FMNL2: variants seen among roughly 807,000 people sequenced by gnomAD.
FMNL2 encodes formin like 2.
Under a neutral mutation model 130.2 loss-of-function variants are expected in FMNL2, and 51 were observed. That is an observed-to-expected ratio of 0.39 (90% CI 0.31 to 0.49). The LOEUF is 0.49. Ranked by LOEUF, FMNL2 falls within the 20% of genes least tolerant of loss-of-function variation. The pLI is 0.85. For missense variants in FMNL2, 977 were observed against 1,316.2 expected (o/e 0.74, Z 3.99); for synonymous variants, 465 against 467.1 (o/e 1.00, Z 0.06).
At chr2:152,354,047 C>T (rs1041364488) in intron 1 of FMNL2, among the ~76,000 whole-genome samples, 1 of 151,872 alleles carries the variant, frequency 6.6e-6, no homozygotes, top group Non-Finnish European at 1.5e-5. Flanking sequence ...TTTATGTTGA[C>T]TCTTGTATAT....
At chr2:152,537,902 A>G (rs774561865) in intron 2 of FMNL2, among the ~76,000 whole-genome samples, 56 of 152,138 alleles carry the variant, frequency 3.7e-4, no homozygotes, top group Non-Finnish European at 6.6e-4. Flanking sequence ...ACACACACAC[A>G]CACACAGTAT....
At chr2:152,375,877 C>CTCTCTCTCTCTCTATATA (rs796954245) in intron 1 of FMNL2, among the ~76,000 whole-genome samples, 39 of 112,482 alleles carry the variant, frequency 3.5e-4, no homozygotes, top group East Asian at 1.6e-3. Context: ...CTCTCTCTCT[C>CTCTCTCTCTCTCTATATA]TATATATATA....
chr2:152,390,323 A>AG lies in FMNL2; in HGVS notation c.117+54607dup, dbSNP rs966688401. ...GGGAGCTCTACAACGAAGTGAAGGT[A>AG]GGGGAGAGCTCGTGGCTCATTGAGG... On this transcript the variant is annotated intron_variant, in intron 1 of 25. Coordinates refer to ENST00000288670, the MANE Select transcript of FMNL2 (RefSeq NM_052905.4). 9.0e-6 allele frequency: 11 copies of AG among 1,216,694 alleles called. No homozygotes were observed. The African/African-American group carries it at 1.6e-4, about 18-fold the overall frequency. The allele number at this position is 1,216,694 out of a possible 1,614,324, so 75.4% of individuals were successfully genotyped here. A position where few individuals can be genotyped will look rare whatever the true frequency, so the allele number is the denominator to read the frequency against.
intron 11 of FMNL2, among the ~76,000 whole-genome samples, chr2:152,614,630 C>T (rs1698850904): frequency 6.6e-6 from 1 of 152,166 alleles, no homozygotes; most frequent in Admixed American, 6.5e-5. Flanking sequence ...GTAATCCCAG[C>T]TACTTGGGAG....
chr2:152,390,886 G>GGT (rs1216078001), intron 1 of FMNL2, among the ~76,000 whole-genome samples: 1 of 152,200 alleles, frequency 6.6e-6, no homozygotes, highest in African/African-American at 2.4e-5. Context: ...TTCCTCATTT[G>GGT]TGATGCCAAA....
intron 1 of FMNL2, among the ~76,000 whole-genome samples, chr2:152,471,567 G>A (rs912499878): frequency 1.3e-5 from 2 of 152,138 alleles, no homozygotes; most frequent in Non-Finnish European, 2.9e-5. Context: ...GGCGTCCGGC[G>A]CCTGGTTCTG....
At chr2:152,437,394 G>C (rs1445586620) in intron 1 of FMNL2, among the ~76,000 whole-genome samples, 1 of 152,132 alleles carries the variant, frequency 6.6e-6, no homozygotes, top group African/African-American at 2.4e-5. Flanking sequence ...GATTAATTGA[G>C]AAAGAATGTC....
chr2:152,452,777 G>GCTGTCGATGGGGAGGA, intron 1 of FMNL2, among the ~76,000 whole-genome samples: 1 of 152,012 alleles, frequency 6.6e-6, no homozygotes, highest in Non-Finnish European at 1.5e-5. Context: ...GATGGGGAGG[G>GCTGTCGATGGGGAGGA]CTGTCGATGG....
chr2:152,464,840 T>C (rs1457635956), intron 1 of FMNL2, among the ~76,000 whole-genome samples: 1 of 152,196 alleles, frequency 6.6e-6, no homozygotes, highest in Non-Finnish European at 1.5e-5. Context: ...ACATTTGTGC[T>C]TAGCGAAGTG....
rs931821739 is a variant in FMNL2, at chr2:152,619,418, T to C, written c.1628-91T>C. On this transcript the variant is annotated intron_variant, in intron 14 of 25. Transcript: ENST00000288670. ...CAGTCCTTTGTCCTTTTAAGTGTGT[T>C]GTTTTCAGATGGCTTTATATGCACA... 6 of 1,526,658 alleles carry C rather than the reference T, an allele frequency of 3.9e-6. No homozygotes were observed. The African/African-American group carries it at 8.3e-5, about 21-fold the overall frequency. The allele number at this position is 1,526,658 out of a possible 1,614,324, so 94.6% of individuals were successfully genotyped here. A position where few individuals can be genotyped will look rare whatever the true frequency, so the allele number is the denominator to read the frequency against.
At chr2:152,542,296 A>G (rs1388574146) in intron 2 of FMNL2, among the ~76,000 whole-genome samples, 1 of 152,252 alleles carries the variant, frequency 6.6e-6, no homozygotes, top group Non-Finnish European at 1.5e-5. Flanking sequence ...ATTTTCAAAG[A>G]TAAAATAAAT....
At chr2:152,469,906 A>G (rs1341553503) in intron 1 of FMNL2, among the ~76,000 whole-genome samples, 2 of 152,178 alleles carry the variant, frequency 1.3e-5, no homozygotes, top group Non-Finnish European at 2.9e-5. Flanking sequence ...TGTATACTGC[A>G]TTTTAGAGTA....
intron 1 of FMNL2, among the ~76,000 whole-genome samples, chr2:152,472,819 G>T (rs1223405872): frequency 6.6e-6 from 1 of 152,204 alleles, no homozygotes; most frequent in African/African-American, 2.4e-5. Context: ...TAAGTTTCCT[G>T]TCTGTAAAGT....
At chr2:152,371,375 C>G (rs901144968) in intron 1 of FMNL2, among the ~76,000 whole-genome samples, 17 of 150,936 alleles carry the variant, frequency 1.1e-4, no homozygotes, top group East Asian at 2.0e-4. Flanking sequence ...AAACTCATGT[C>G]GAAATGTAAT....
At chr2:152,592,130 T>G (rs1404561203) in intron 9 of FMNL2, among the ~76,000 whole-genome samples, 2 of 152,096 alleles carry the variant, frequency 1.3e-5, no homozygotes, top group East Asian at 3.9e-4. Flanking sequence ...ACTCATGATT[T>G]CCGTGCCACA....
intron 1 of FMNL2, among the ~76,000 whole-genome samples, chr2:152,362,547 A>G (rs760588491): frequency 4.6e-5 from 7 of 151,538 alleles, no homozygotes; most frequent in Non-Finnish European, 8.8e-5. Flanking sequence ...CTCTTTCTCT[A>G]TGTTTGAAGG....
intron 1 of FMNL2, among the ~76,000 whole-genome samples, chr2:152,466,932 T>C (rs542908473): frequency 1.2e-4 from 18 of 152,316 alleles, no homozygotes; most frequent in South Asian, 8.3e-4. Context: ...CTAATAAGCC[T>C]GCACCGATTT....
At chr2:152,608,963 G>C (rs4664117) in intron 10 of FMNL2, among the ~76,000 whole-genome samples, 81,975 of 151,974 alleles carry the variant, frequency 0.54, 22,418 homozygotes, top group East Asian at 0.75. Context: ...TCAGCTGCTG[G>C]AGCCAAGCAG....
intron 1 of FMNL2, among the ~76,000 whole-genome samples, chr2:152,517,158 T>G (rs968811497): frequency 6.8e-6 from 1 of 147,184 alleles, no homozygotes; most frequent in African/African-American, 2.5e-5. Flanking sequence ...ATTGCTAGAA[T>G]TGAAGATTTT....
Sources: gnomAD v4.1 joint callset for allele counts (sites outside exome capture counted in the v4.1 genomes callset) on GRCh38, gnomAD v4.1.1 for gene constraint, MANE v1.5 for transcripts, NCBI Gene and HGNC (gene_info 2026-07-23, HGNC 2026-07-21) for gene names.